Variants in SCFD2 observed in about 807,000 individuals in gnomAD.
SCFD2 encodes the protein sec1 family domain containing 2.
SCFD2 carries 54 observed loss-of-function variants against 58.9 expected under a neutral mutation model. That is an observed-to-expected ratio of 0.92 (90% confidence interval 0.74 to 1.15). The LOEUF is 1.15. SCFD2 is among the 50% of genes most tolerant of loss of function. SCFD2 has a pLI of 0.00. For missense variants in SCFD2, 805 were observed against 836.6 expected, an observed-to-expected ratio of 0.96 and a Z score of 0.47; for synonymous variants, 321 against 335.9, an observed-to-expected ratio of 0.96 and a Z score of 0.49.
intron 5 of SCFD2, among the ~76,000 whole-genome samples, chr4:53,034,293 T>G (rs1344684471): frequency 6.6e-6 from 1 of 152,080 alleles, no homozygotes; most frequent in Non-Finnish European, 1.5e-5. Flanking sequence ...CCAAAAACTC[T>G]CAATAAACTA....
At chr4:53,237,638 G>A (rs1236455718) in intron 4 of SCFD2, among the ~76,000 whole-genome samples, 31 of 126,774 alleles carry the variant, frequency 2.4e-4, no homozygotes, top group Non-Finnish European at 6.8e-5. Flanking sequence ...CTGGCCGGGC[G>A]GGGGGCTGAC....
At chr4:53,048,407 A>G (rs548207250) in intron 5 of SCFD2, among the ~76,000 whole-genome samples, 1 of 152,194 alleles carries the variant, frequency 6.6e-6, no homozygotes, top group South Asian at 2.1e-4. Context: ...AAACTTAGAG[A>G]GTCACTTTAA....
At chr4:52,967,747 G>C (rs1268129267) in intron 5 of SCFD2, among the ~76,000 whole-genome samples, 5 of 152,136 alleles carry the variant, frequency 3.3e-5, no homozygotes, top group African/African-American at 7.2e-5. Context: ...GTTTGGGTCT[G>C]GTGGTACCAG....
chr4:53,250,170 A>G (rs192838589), intron 4 of SCFD2, among the ~76,000 whole-genome samples: 3 of 152,336 alleles, frequency 2.0e-5, no homozygotes, highest in Admixed American at 2.0e-4. Context: ...GATAAAACAG[A>G]CTTTAAACCA....
chr4:53,136,254 C>A (rs1177308810), intron 5 of SCFD2, among the ~76,000 whole-genome samples: 1 of 152,198 alleles, frequency 6.6e-6, no homozygotes, highest in Non-Finnish European at 1.5e-5. Context: ...GAGACACAAA[C>A]CTTAGTCCTA....
intron 4 of SCFD2, among the ~76,000 whole-genome samples, chr4:53,195,749 G>GA (rs951455425): frequency 6.6e-6 from 1 of 152,078 alleles, no homozygotes; most frequent in Non-Finnish European, 1.5e-5. Flanking sequence ...CAAGCCTGAA[G>GA]AAAAAAGTTA....
Position 53,005,035 on chromosome 4 carries a change from C to T in SCFD2, c.1562-84165G>A, listed in dbSNP as rs545506515. Among the ~76,000 whole-genome samples the T allele has an allele frequency of 3.3e-5, 5 of 152,248 alleles. No individual in the cohort carries two copies. In the South Asian group the frequency reaches 1.0e-3, roughly 32 times the overall value. ...GCCTCAGCCTCCCCAGTAGCTGGGA[C>T]TACAGGCATGTGCCACCACATCCGG... On this transcript the variant is annotated intron_variant, in intron 5 of 8. Coordinates refer to ENST00000401642, the MANE Select transcript of SCFD2 (RefSeq NM_152540.4).
chr4:52,874,745 C>T (rs1718432458), intron 8 of SCFD2, among the ~76,000 whole-genome samples: 1 of 152,170 alleles, frequency 6.6e-6, no homozygotes, highest in Admixed American at 6.5e-5. Flanking sequence ...CAAATTTCCC[C>T]TTCTTATATA....
chr4:53,327,639 A>G (rs1733249934), intron 2 of SCFD2, among the ~76,000 whole-genome samples: 1 of 152,186 alleles, frequency 6.6e-6, no homozygotes, highest in East Asian at 1.9e-4. Context: ...GAGGAGGAAA[A>G]GGCAGCAATG....
chr4:53,040,887 T>C (rs1722881937), intron 5 of SCFD2, among the ~76,000 whole-genome samples: 1 of 152,194 alleles, frequency 6.6e-6, no homozygotes, highest in African/African-American at 2.4e-5. Flanking sequence ...AACCTGTTGA[T>C]AGAAAATCTT....
intron 5 of SCFD2, among the ~76,000 whole-genome samples, chr4:53,098,056 G>T (rs1170913410): frequency 6.6e-6 from 1 of 152,186 alleles, no homozygotes; most frequent in Non-Finnish European, 1.5e-5. Flanking sequence ...TTGCATCCCA[G>T]GGATGAAGCC....
intron 2 of SCFD2, among the ~76,000 whole-genome samples, chr4:53,322,323 G>T (rs1577965996): frequency 6.6e-6 from 1 of 152,118 alleles, no homozygotes; most frequent in South Asian, 2.1e-4. Flanking sequence ...GAATTATAAT[G>T]CATTAGCATG....
At chr4:53,040,098 G>C (rs1429323661) in intron 5 of SCFD2, among the ~76,000 whole-genome samples, 2 of 152,182 alleles carry the variant, frequency 1.3e-5, no homozygotes, top group African/African-American at 4.8e-5. Flanking sequence ...CTATGGCATA[G>C]CACAAATGCA....
chr4:52,979,065 T>TGG (rs10667731), intron 5 of SCFD2, among the ~76,000 whole-genome samples: 45,972 of 145,108 alleles, frequency 0.32, 8,118 homozygotes, highest in Middle Eastern at 0.46. Flanking sequence ...GGCCTTTTTT[T>TGG]GGGGGGGGGA....
chr4:52,968,190 C>T (rs536522682), intron 5 of SCFD2, among the ~76,000 whole-genome samples: 62 of 152,252 alleles, frequency 4.1e-4, no homozygotes, highest in African/African-American at 1.3e-3. Context: ...TCATTTAGAC[C>T]GGGGCTACTG....
intron 5 of SCFD2, among the ~76,000 whole-genome samples, chr4:52,929,065 A>T (rs1170997602): frequency 6.6e-6 from 1 of 152,220 alleles, no homozygotes; most frequent in East Asian, 1.9e-4. Context: ...TGAGAAGACC[A>T]ACCTCAATTG....
intron 2 of SCFD2, among the ~76,000 whole-genome samples, chr4:53,330,437 T>C (rs1407616989): frequency 6.6e-6 from 1 of 152,014 alleles, no homozygotes; most frequent in African/African-American, 2.4e-5. Flanking sequence ...TGGGGGGCAA[T>C]ATTCAACATT....
chr4:52,895,848 G>A (rs1280533974), intron 7 of SCFD2, among the ~76,000 whole-genome samples: 1 of 152,040 alleles, frequency 6.6e-6, no homozygotes, highest in Non-Finnish European at 1.5e-5. Context: ...TTAAATGATC[G>A]CCATTCTAAC....
At chr4:53,094,108 A>C (rs892566156) in intron 5 of SCFD2, among the ~76,000 whole-genome samples, 1 of 151,974 alleles carries the variant, frequency 6.6e-6, no homozygotes, top group African/African-American at 2.4e-5. Flanking sequence ...AAGTCACATA[A>C]CCTTTTGAGC....
Sources: gnomAD v4.1 joint callset for allele counts (sites outside exome capture counted in the v4.1 genomes callset) on GRCh38, gnomAD v4.1.1 for gene constraint, MANE v1.5 for transcripts, NCBI Gene and HGNC (gene_info 2026-07-23, HGNC 2026-07-21) for gene names.